RFTN1: variants seen among roughly 807,000 people sequenced by gnomAD.
RFTN1 encodes raftlin, lipid raft linker 1.
RFTN1 carries 26 observed loss-of-function variants against 46.5 expected under a neutral mutation model. The observed-to-expected ratio is 0.56, with a 90% CI of 0.41 to 0.78. RFTN1 has a LOEUF of 0.78. Among genes scored for constraint, RFTN1 ranks in the 30% least tolerant of loss-of-function variants. The probability of loss-of-function intolerance (pLI) is 0.00; values close to 1 mark genes in which losing one functional copy is unlikely to be tolerated. For missense variants in RFTN1, 693 were observed against 718.7 expected (o/e 0.96, Z 0.41); for synonymous variants, 261 against 284.2 (o/e 0.92, Z 0.82).
Position 16,413,276 on chromosome 3 carries a change from G to A in RFTN1, c.333-3793C>T, listed in dbSNP as rs2075010257. Among the ~76,000 whole-genome samples, 1 of 152,238 alleles carries A rather than the reference G, an allele frequency of 6.6e-6. No individual in the cohort carries two copies. Among genetic ancestry groups the A allele is most frequent in the Admixed American group, 6.5e-5 (1 of 15,288 alleles). On this transcript the variant is annotated intron_variant, in intron 3 of 9. Coordinates refer to ENST00000334133, the MANE Select transcript of RFTN1 (RefSeq NM_015150.2). This position sits in a 1 kb window ranked among gnomAD's most constrained non-coding sequence, Gnocchi z 4.7. ...TGAGGAGTGTTCTGTGTCCCTGAGGGCAAGGACTATCCTGGGAGACAGAAG... is the reference window on the plus strand; with the variant it reads ...TGAGGAGTGTTCTGTGTCCCTGAGGACAAGGACTATCCTGGGAGACAGAAG...
In RFTN1 at chr3:16,429,742, T is replaced by A. The variant is rs184472550; in HGVS notation, c.332+4109A>T. Among the ~76,000 whole-genome samples, 51 of 152,284 alleles carry A rather than the reference T, an allele frequency of 3.3e-4. No homozygotes were observed. The East Asian group carries it at 8.1e-3, about 24-fold the overall frequency. ...GGTTCCGTCTGGTGTTTCTGGCATA[T>A]CCCAAAGCCCAGTTATTTGTTAAAA... On this transcript the variant is annotated intron_variant, in intron 3 of 9. Coordinates refer to ENST00000334133, the MANE Select transcript of RFTN1 (RefSeq NM_015150.2). The surrounding 1 kb of genome is among the most constrained non-coding windows in gnomAD (Gnocchi z 6.4).
At position 16,320,692 on chromosome 3, in the gene RFTN1, A is replaced by C. The variant is rs977768700; in HGVS notation, c.1332+2684T>G. Among the ~76,000 whole-genome samples the C allele has an allele frequency of 2.0e-5, 3 of 152,230 alleles. No individual in the cohort carries two copies. Among genetic ancestry groups the C allele is most frequent in the African/African-American group, 7.2e-5 (3 of 41,454 alleles). On this transcript the variant is annotated intron_variant, in intron 9 of 9. Transcript: ENST00000334133. The surrounding 1 kb of genome is among the most constrained non-coding windows in gnomAD (Gnocchi z 4.5). ...TTCTGAGAAAAGGATGCTCGAGTAGAGCTAGAAAGGAGGAGAATGTCCTTG... is the reference window on the plus strand; with the variant it reads ...TTCTGAGAAAAGGATGCTCGAGTAGCGCTAGAAAGGAGGAGAATGTCCTTG...
At chr3:16,357,029 C>T (rs950573999) in intron 7 of RFTN1, among the ~76,000 whole-genome samples, 2 of 151,338 alleles carry the variant, frequency 1.3e-5, no homozygotes, top group African/African-American at 2.4e-5. Flanking sequence ...GCAGGAGAAT[C>T]GCTTGAACCC....
rs1054275617 is a variant in RFTN1, at chr3:16,427,121, T to C, written c.332+6730A>G. Among the ~76,000 whole-genome samples, 3 of 152,218 alleles carry C rather than the reference T, an allele frequency of 2.0e-5. No homozygotes were observed. Among genetic ancestry groups the C allele is most frequent in the Non-Finnish European group, 2.9e-5 (2 of 68,038 alleles). On this transcript the variant is annotated intron_variant, in intron 3 of 9. Coordinates refer to ENST00000334133, the MANE Select transcript of RFTN1 (RefSeq NM_015150.2). This position sits in a 1 kb window ranked among gnomAD's most constrained non-coding sequence, Gnocchi z 5.4. ...GGCTGCAAGATGGCAGCCAGTGGCATGGGTTAGGGACAAACAATCCTACTT... is the reference window on the plus strand; with the variant it reads ...GGCTGCAAGATGGCAGCCAGTGGCACGGGTTAGGGACAAACAATCCTACTT...
intron 2 of RFTN1, among the ~76,000 whole-genome samples, chr3:16,441,197 AT>A (rs2075615154): frequency 6.6e-6 from 1 of 150,598 alleles, no homozygotes; most frequent in South Asian, 2.1e-4. Flanking sequence ...CTGAAAAGGT[AT>A]TTTGGGTGGC....
intron 7 of RFTN1, among the ~76,000 whole-genome samples, chr3:16,332,260 G>C (rs2070392058): frequency 6.6e-6 from 1 of 151,718 alleles, no homozygotes; most frequent in South Asian, 2.1e-4. Context: ...TGTGATAAAT[G>C]TTTTAATTTT....
Position 16,507,688 on chromosome 3 carries a change from CACAT to C in RFTN1, c.-9+5750_-9+5753del, listed in dbSNP as rs1485081653. Among the ~76,000 whole-genome samples the C allele has an allele frequency of 2.6e-5, 4 of 150,994 alleles. No individual in the cohort carries two copies. The South Asian group carries it at 6.3e-4, about 24-fold the overall frequency. On this transcript the variant is annotated intron_variant, in intron 1 of 9. Coordinates refer to ENST00000334133, the MANE Select transcript of RFTN1 (RefSeq NM_015150.2). This position sits in a 1 kb window ranked among gnomAD's most constrained non-coding sequence, Gnocchi z 7.1. ...TACACACACAATGCACATAAACACA[CACAT>C]ACACACACATACATACACATACACA... is the stretch of plus-strand genomic sequence containing the variant.
At chr3:16,386,394 TAAC>T (rs1451605665) in intron 4 of RFTN1, among the ~76,000 whole-genome samples, 4 of 152,304 alleles carry the variant, frequency 2.6e-5, no homozygotes, top group African/African-American at 9.6e-5. Context: ...CTTATAATAA[TAAC>T]AATAGGTATT....
At chr3:16,432,467 G>A (rs990009382) in intron 3 of RFTN1, among the ~76,000 whole-genome samples, 93 of 152,136 alleles carry the variant, frequency 6.1e-4, no homozygotes, top group African/African-American at 2.2e-3. Flanking sequence ...GCAGTGAGCT[G>A]AGATCATGCC....
rs1043189842 is a variant in RFTN1, at chr3:16,448,345, T to C, written c.146-14308A>G. Among the ~76,000 whole-genome samples the C allele has an allele frequency of 6.6e-6, 1 of 152,132 alleles. No individual in the cohort carries two copies. The highest frequency in any genetic ancestry group is 2.4e-5 in the African/African-American group (1 of 41,374). On this transcript the variant is annotated intron_variant, in intron 2 of 9. Coordinates refer to ENST00000334133, the MANE Select transcript of RFTN1 (RefSeq NM_015150.2). This position sits in a 1 kb window ranked among gnomAD's most constrained non-coding sequence, Gnocchi z 4.1. ...AACCTTTTGTTTTAAACAGATGCATTTTCTTACAGTCCAAAAAAAAACATG... is the reference window on the plus strand; with the variant it reads ...AACCTTTTGTTTTAAACAGATGCATCTTCTTACAGTCCAAAAAAAAACATG...
chr3:16,344,982 A>AG lies in RFTN1; in HGVS notation c.1146+12949dup, dbSNP rs982740297. On this transcript the variant is annotated intron_variant, in intron 7 of 9. Transcript: ENST00000334133. This position sits in a 1 kb window ranked among gnomAD's most constrained non-coding sequence, Gnocchi z 4.4. ...CAAACTATGCATTTTAAGCTCTTTT[A>AG]GGGGGCCACATGGAAAGCATAAGAA... The AG allele has an allele frequency of 3.3e-4, 51 of 152,276 alleles. No homozygotes were observed. Among genetic ancestry groups the AG allele is most frequent in the African/African-American group, 1.2e-3 (48 of 41,546 alleles). The allele number at this position is 152,276 out of a possible 1,614,324, so 9.4% of individuals were successfully genotyped here.
rs1313734924 is a variant in RFTN1, at chr3:16,427,192, T to C, written c.332+6659A>G. ...AGAAGTTTTCACATAAAAATCCAGA[T>C]TTCTGGCTTTTCTTGAAAAAAGTAC... On this transcript the variant is annotated intron_variant, in intron 3 of 9. Transcript: ENST00000334133. The surrounding 1 kb of genome is among the most constrained non-coding windows in gnomAD (Gnocchi z 5.4). Among the ~76,000 whole-genome samples the C allele has an allele frequency of 6.6e-6, 1 of 152,184 alleles. No individual in the cohort carries two copies. Among genetic ancestry groups the C allele is most frequent in the Non-Finnish European group, 1.5e-5 (1 of 68,030 alleles).
chr3:16,457,127 GC>G lies in RFTN1; in HGVS notation c.146-23091del, dbSNP rs958394422. On this transcript the variant is annotated intron_variant, in intron 2 of 9. Transcript: ENST00000334133. This position sits in a 1 kb window ranked among gnomAD's most constrained non-coding sequence, Gnocchi z 4.2. ...TACAGTTCACCACATTTGTTTTACA[GC>G]CTCTGCAAGTACAGATGACTAACTG... 3.3e-5 allele frequency among the ~76,000 whole-genome samples: 5 copies of G among 152,306 alleles called. No homozygotes were observed. Among genetic ancestry groups the G allele is most frequent in the Admixed American group, 6.5e-5 (1 of 15,300 alleles).
At chr3:16,393,390 C>T (rs2074394633) in intron 4 of RFTN1, among the ~76,000 whole-genome samples, 1 of 152,166 alleles carries the variant, frequency 6.6e-6, no homozygotes, top group Non-Finnish European at 1.5e-5. Context: ...AACTCCAATG[C>T]ACATAAGACA....
Position 16,488,881 on chromosome 3 carries a change from T to C in RFTN1, c.145+4844A>G, listed in dbSNP as rs118145116. On this transcript the variant is annotated intron_variant, in intron 2 of 9. Transcript: ENST00000334133. ...TAAGAAGCCACACAAAGATGAATGT[T>C]CATAGCAACTTAACCTGTGATAGCC... 7.9e-5 allele frequency among the ~76,000 whole-genome samples: 12 copies of C among 152,338 alleles called. No homozygotes were observed. The East Asian group carries it at 2.3e-3, about 29-fold the overall frequency.
intron 1 of RFTN1, among the ~76,000 whole-genome samples, chr3:16,495,474 C>A (rs2076609235): frequency 6.6e-6 from 1 of 152,234 alleles, no homozygotes; most frequent in Admixed American, 6.5e-5. Context: ...ACAATGTGGT[C>A]TTTGCCCTCA....
chr3:16,375,617 C>G (rs1343439269), intron 5 of RFTN1, among the ~76,000 whole-genome samples: 13 of 152,132 alleles, frequency 8.5e-5, no homozygotes, highest in Admixed American at 7.9e-4. Context: ...AGTGAGCTGC[C>G]TAAATTTCAG....
At position 16,440,687 on chromosome 3, in the gene RFTN1, T is replaced by TG. The variant is rs149011315; in HGVS notation, c.146-6651dup. ...AAGGGGACAAGATGGTTACTGCTAATGGGGGGGGGGCCCAATGGTGCCAGA... is the reference window on the plus strand; with the variant it reads ...AAGGGGACAAGATGGTTACTGCTAATGGGGGGGGGGGCCCAATGGTGCCAGA... On this transcript the variant is annotated intron_variant, in intron 2 of 9. Transcript: ENST00000334133. The surrounding 1 kb of genome is among the most constrained non-coding windows in gnomAD (Gnocchi z 4.6). Among the ~76,000 whole-genome samples, 3,347 of 144,646 alleles carry TG rather than the reference T, an allele frequency of 0.023. 97 individuals carry two copies. The highest frequency in any genetic ancestry group is 0.074 in the African/African-American group (2,884 of 39,206). 94.9% of individuals were successfully genotyped at this position (144,646 alleles called of 152,430 possible).
At position 16,460,166 on chromosome 3, in the gene RFTN1, C is replaced by G. The variant is rs1294780313; in HGVS notation, c.146-26129G>C. Among the ~76,000 whole-genome samples the G allele has an allele frequency of 6.6e-6, 1 of 151,498 alleles. No homozygotes were observed. The highest frequency in any genetic ancestry group is 6.6e-5 in the Admixed American group (1 of 15,202). On this transcript the variant is annotated intron_variant, in intron 2 of 9. Transcript: ENST00000334133. This position sits in a 1 kb window ranked among gnomAD's most constrained non-coding sequence, Gnocchi z 4.8. ...GAGTAAACTGTGTAGATTATTCTGGCCCTGCAAAACACAGAAGTGTCTCAA... is the reference window on the plus strand; with the variant it reads ...GAGTAAACTGTGTAGATTATTCTGGGCCTGCAAAACACAGAAGTGTCTCAA...
Sources: allele counts gnomAD v4.1 joint callset (sites outside exome capture counted in the v4.1 genomes callset), GRCh38; gene constraint gnomAD v4.1.1; non-coding constraint Gnocchi (gnomAD v3.1); transcripts MANE v1.5; gene names NCBI Gene and HGNC (gene_info 2026-07-23, HGNC 2026-07-21).